CSNK1G1: variants seen among roughly 807,000 people sequenced by gnomAD.
CSNK1G1 encodes the protein casein kinase I isoform gamma-1.
Under a neutral mutation model 59.6 loss-of-function variants are expected in CSNK1G1, and 22 were observed. That is an observed-to-expected ratio of 0.37 (90% CI 0.26 to 0.53). The LOEUF (loss-of-function observed/expected upper bound fraction) is 0.53. CSNK1G1 is among the 20% of genes least tolerant of loss of function. The pLI is 0.89. For missense variants in CSNK1G1, 384 were observed against 519.5 expected (o/e 0.74, Z 2.54); for synonymous variants, 179 against 177.1 (o/e 1.01, Z -0.08).
intron 1 of CSNK1G1, among the ~76,000 whole-genome samples, chr15:64,332,376 G>C (rs1156575131): frequency 7.1e-6 from 1 of 141,286 alleles, no homozygotes; most frequent in Non-Finnish European, 1.5e-5. Context: ...CCTTTGTAGG[G>C]ACATGGATGA....
chr15:64,335,860 A>G (rs1340938966), intron 1 of CSNK1G1: 1 of 152,156 alleles, frequency 6.6e-6, no homozygotes, highest in Non-Finnish European at 1.5e-5. Flanking sequence ...CATTTCAAAA[A>G]CCTAAGAATA....
Position 64,305,727 on chromosome 15 carries a change from A to C in CSNK1G1, c.-224-5004T>G, listed in dbSNP as rs577893220. On this transcript the variant is annotated intron_variant, in intron 1 of 11. Transcript: ENST00000303052. ...AAAAAAACAAAAACAAAAACAAAAA[A>C]AAAACTTACTATAAAGCTACAGTAC... Among the ~76,000 whole-genome samples the C allele has an allele frequency of 5.4e-4, 82 of 151,342 alleles. 1 individual carries two copies. The highest frequency in any genetic ancestry group is 1.7e-3 in the East Asian group (9 of 5,166).
intron 1 of CSNK1G1, among the ~76,000 whole-genome samples, chr15:64,318,297 G>A (rs1896379616): frequency 6.6e-6 from 1 of 151,972 alleles, no homozygotes; most frequent in Non-Finnish European, 1.5e-5. Context: ...TCTAACAACA[G>A]TGTATGCTCA....
chr15:64,266,041 C>A (rs2140340660), intron 2 of CSNK1G1: 2 of 245,430 alleles, frequency 8.1e-6, no homozygotes, highest in South Asian at 9.4e-5. Flanking sequence ...TACACTCCAG[C>A]CGAGGTGACA....
intron 1 of CSNK1G1, among the ~76,000 whole-genome samples, chr15:64,337,974 C>T (rs1897478313): frequency 6.6e-6 from 1 of 152,188 alleles, no homozygotes; most frequent in South Asian, 2.1e-4. Flanking sequence ...GTCAGAATTT[C>T]CTTCCTTTGT....
rs898444294 is a variant in CSNK1G1, at chr15:64,169,888, A to G, written c.*2043T>C. ...AGATGAAGCCCAGTACCTCTGATCC[A>G]TGTTAATGTTATTTCTGCTCTGTGT... On this transcript the variant is annotated 3_prime_UTR_variant, in exon 12 of 12. Coordinates refer to ENST00000303052, the MANE Select transcript of CSNK1G1 (RefSeq NM_022048.5). 6 of 152,232 alleles carry G rather than the reference A, an allele frequency of 3.9e-5. No individual in the cohort carries two copies. Among genetic ancestry groups the G allele is most frequent in the African/African-American group, 1.4e-4 (6 of 41,452 alleles). The allele number at this position is 152,232 out of a possible 1,614,324, so 9.4% of individuals were successfully genotyped here. A position where few individuals can be genotyped will look rare whatever the true frequency, so the allele number is the denominator to read the frequency against.
At chr15:64,213,193 C>T (rs1201828576) in intron 6 of CSNK1G1, among the ~76,000 whole-genome samples, 2 of 151,876 alleles carry the variant, frequency 1.3e-5, no homozygotes, top group Non-Finnish European at 2.9e-5. Flanking sequence ...ATAGAATCTT[C>T]CATGGAAGCC....
intron 1 of CSNK1G1, among the ~76,000 whole-genome samples, chr15:64,327,740 C>A (rs1896927263): frequency 6.8e-6 from 1 of 148,004 alleles, no homozygotes; most frequent in Non-Finnish European, 1.5e-5. Context: ...TACGGGAGGA[C>A]ATTCAAACCA....
rs1303876391 is a variant in CSNK1G1 at position 64,167,243 on chromosome 15, G to A, written c.*4688C>T. The stretch of plus-strand genomic sequence containing the variant: ...TGTGGCTAAAACATTGCTCAAAAAG[G>A]ATAAACCCACATAAGGGCCATGGTT... On this transcript the variant is annotated 3_prime_UTR_variant, in exon 12 of 12. Transcript: ENST00000303052. 1 of 152,092 alleles carries A rather than the reference G, an allele frequency of 6.6e-6. No individual in the cohort carries two copies. Among genetic ancestry groups the A allele is most frequent in the East Asian group, 1.9e-4 (1 of 5,186 alleles). 9.4% of individuals were successfully genotyped at this position (152,092 alleles called of 1,614,324 possible).
At chr15:64,234,069 A>G (rs1466353622) in intron 4 of CSNK1G1, among the ~76,000 whole-genome samples, 3 of 152,158 alleles carry the variant, frequency 2.0e-5, no homozygotes, top group African/African-American at 7.2e-5. Context: ...CATTTGTTCC[A>G]TAAGATAGAG....
At chr15:64,240,907 G>A (rs925202336) in intron 4 of CSNK1G1, among the ~76,000 whole-genome samples, 3 of 152,028 alleles carry the variant, frequency 2.0e-5, no homozygotes, top group Admixed American at 6.6e-5. Flanking sequence ...GAATCAAACC[G>A]TATCACTACA....
chr15:64,323,652 A>G (rs1034571254), intron 1 of CSNK1G1, among the ~76,000 whole-genome samples: 2 of 152,212 alleles, frequency 1.3e-5, no homozygotes, highest in Non-Finnish European at 2.9e-5. Context: ...GGTATGAACC[A>G]CTGTGCCTGG....
rs766986259 is a variant in CSNK1G1 at position 64,291,168 on chromosome 15, GTT to G, written c.181+9149_181+9150del. On this transcript the variant is annotated intron_variant, in intron 2 of 11. Transcript: ENST00000303052. ...TATCAATGTTTCTGGTTAATTAGGT[GTT>G]TGGCTGATACACTTTCATTTGTTTA... Among the ~76,000 whole-genome samples, 17 of 152,190 alleles carry G rather than the reference GTT, an allele frequency of 1.1e-4. 1 individual carries two copies. The highest frequency in any genetic ancestry group is 7.7e-4 in the East Asian group (4 of 5,208).
intron 1 of CSNK1G1, among the ~76,000 whole-genome samples, chr15:64,355,096 C>G (rs907156483): frequency 3.9e-5 from 6 of 152,160 alleles, no homozygotes; most frequent in African/African-American, 1.2e-4. Context: ...AAGAAAGAGG[C>G]TGCAAAAGCC....
intron 2 of CSNK1G1, among the ~76,000 whole-genome samples, chr15:64,260,441 G>T (rs1017070686): frequency 5.9e-5 from 9 of 152,088 alleles, no homozygotes; most frequent in African/African-American, 2.2e-4. Flanking sequence ...TTTATATAAT[G>T]CATTGTTTTT....
chr15:64,238,174 T>C (rs748526261), intron 4 of CSNK1G1, among the ~76,000 whole-genome samples: 69 of 152,204 alleles, frequency 4.5e-4, no homozygotes, highest in Non-Finnish European at 9.6e-4. Flanking sequence ...TAAAAGCTTT[T>C]ATGACTGTCT....
intron 2 of CSNK1G1, 85 bp downstream of exon 2, chr15:64,300,234 C>G (rs1247706749): frequency 6.7e-6 from 9 of 1,345,914 alleles, no homozygotes; most frequent in African/African-American, 1.5e-5. Context: ...TCTTGTAAAA[C>G]TATAAACGGC....
intron 2 of CSNK1G1, among the ~76,000 whole-genome samples, chr15:64,272,016 C>CT: frequency 6.6e-6 from 1 of 152,088 alleles, no homozygotes; most frequent in Admixed American, 6.5e-5. Flanking sequence ...GTCCTTCTAT[C>CT]TTTTTTGATT....
intron 1 of CSNK1G1, among the ~76,000 whole-genome samples, chr15:64,354,378 CAT>C (rs1273886259): frequency 6.6e-6 from 1 of 152,178 alleles, no homozygotes; most frequent in Non-Finnish European, 1.5e-5. Context: ...TTTAAAGAGA[CAT>C]GTGATGTTAA....
Sources: allele counts gnomAD v4.1 joint callset (sites outside exome capture counted in the v4.1 genomes callset), GRCh38; gene constraint gnomAD v4.1.1; transcripts MANE v1.5; gene names NCBI Gene and HGNC (gene_info 2026-07-23, HGNC 2026-07-21).